The following BCAN variants were observed in gnomAD, a reference collection of about 807,000 sequenced individuals.
BCAN encodes the protein brevican core protein.
BCAN carries 51 observed loss-of-function variants against 92.4 expected under a neutral mutation model. That is an observed-to-expected ratio of 0.55 (90% CI 0.44 to 0.70). The LOEUF (loss-of-function observed/expected upper bound fraction) is 0.70. BCAN is among the 30% of genes least tolerant of loss of function. The probability of loss-of-function intolerance (pLI) is 0.00; values close to 1 mark genes in which losing one functional copy is unlikely to be tolerated. For missense variants in BCAN, 1,140 were observed against 1,212.1 expected, an observed-to-expected ratio of 0.94 and a Z score of 0.88; for synonymous variants, 501 against 505.2, an observed-to-expected ratio of 0.99 and a Z score of 0.11.
At chr1:156,651,203 G>C (rs1338707792) in intron 6 of BCAN, among the ~76,000 whole-genome samples, 1 of 152,202 alleles carries the variant, frequency 6.6e-6, no homozygotes, top group Non-Finnish European at 1.5e-5. Flanking sequence ...AATTTCCCTT[G>C]AGGGTAGGAG....
At position 156,645,387 on chromosome 1, in the gene BCAN, T is replaced by TGG. The variant is rs1678928657; in HGVS notation, c.-8-657_-8-656dup. ...GCCAAGGAAGGGGGATGGAGAATGT[T>TGG]GGGGAGTAAAGAGAGGAGTTTCCTT... On this transcript the variant is annotated intron_variant, in intron 1 of 13. Coordinates refer to ENST00000329117, the MANE Select transcript of BCAN (RefSeq NM_021948.5). Among the ~76,000 whole-genome samples the TGG allele has an allele frequency of 2.0e-5, 3 of 152,166 alleles. No individual in the cohort carries two copies. The South Asian group carries it at 6.2e-4, about 32-fold the overall frequency.
chr1:156,651,693 A>G lies in BCAN; in HGVS notation c.1297+4A>G. Reference sequence around the variant, plus strand: ...GAGGCCCCTAGGACGCTCCTAGGTAAGTCGGATCCCTTATCCTAAGGATGT... The same window carrying G: ...GAGGCCCCTAGGACGCTCCTAGGTAGGTCGGATCCCTTATCCTAAGGATGT... On this transcript the variant is annotated splice_donor_region_variant and intron_variant, in intron 7 of 13. Coordinates refer to ENST00000329117, the MANE Select transcript of BCAN (RefSeq NM_021948.5). 1 of 1,598,398 alleles carries G rather than the reference A, an allele frequency of 6.3e-7. No homozygotes were observed. Among genetic ancestry groups the G allele is most frequent in the Non-Finnish European group, 8.5e-7 (1 of 1,172,864 alleles).
chr1:156,646,496 AC>A (rs1278606690), intron 2 of BCAN: 3 of 513,680 alleles, frequency 5.8e-6, no homozygotes, highest in East Asian at 6.3e-5. Flanking sequence ...AGGTTGGAGG[AC>A]CCTGGGGTGT....
chr1:156,648,849 T>C lies in BCAN; in HGVS notation c.1051T>C (p.Tyr351His), dbSNP rs1241596466. ...CAATAAGCACAGCCGCTTCAACGTC[T>C]ACTGCTTCCGAGGTGAGCCCACCTC... ...FPNKHSRFNV[Y>H]CFRDSAQPSA... The change falls in exon 6 of 14, where the codon TAC (tyrosine) becomes CAC (histidine). Residue 351 changes from tyrosine (Y) to histidine (H), a missense_variant. Coordinates refer to ENST00000329117, the MANE Select transcript of BCAN (RefSeq NM_021948.5). 6 of 1,565,290 alleles carry C rather than the reference T, an allele frequency of 3.8e-6. No individual in the cohort carries two copies. The highest frequency in any genetic ancestry group is 2.3e-5 in the East Asian group (1 of 44,012).
chr1:156,649,596 G>T (rs1355714475), intron 6 of BCAN, among the ~76,000 whole-genome samples: 1 of 152,128 alleles, frequency 6.6e-6, no homozygotes, highest in Non-Finnish European at 1.5e-5. Context: ...TAGAGATGGG[G>T]TTTCACCACA....
At chr1:156,651,733 G>A (rs753513734) in intron 7 of BCAN, 44 bp downstream of exon 7, 8 of 1,534,808 alleles carry the variant, frequency 5.2e-6, no homozygotes, top group Non-Finnish European at 7.0e-6. Context: ...ATTGAAAGAA[G>A]TTGGGGGCAG....
chr1:156,647,628 A>G lies in BCAN; in HGVS notation c.587A>G (p.Tyr196Cys). The change falls in exon 4 of 14, where the codon TAC becomes TGC. Residue 196 changes from tyrosine (Y) to cysteine (C), a missense_variant. By Grantham distance (194) the Tyr-to-Cys change is radical. This residue lies in a region of BCAN where 286 missense variants were observed against 284.1 expected (regional missense o/e 1.01). Transcript: ENST00000329117. The surrounding 1 kb of genome is among the most constrained non-coding windows in gnomAD (Gnocchi z 4.8). ...ACCCCGGAGCAGCTCTATGCCGCCT[A>G]CCTTGGGGGCTATGAGCAATGTGAT... The part of the protein sequence containing the change: ...IATPEQLYAA[Y>C]LGGYEQCDAG... 6.2e-7 allele frequency: 1 copy of G among 1,612,124 alleles called. No individual in the cohort carries two copies. The highest frequency in any genetic ancestry group is 2.2e-5 in the East Asian group (1 of 44,826).
intron 6 of BCAN, among the ~76,000 whole-genome samples, chr1:156,650,770 C>T (rs932326939): frequency 6.6e-6 from 1 of 152,168 alleles, no homozygotes; most frequent in Admixed American, 6.5e-5. Flanking sequence ...CGGGGAAACC[C>T]TGTCTCTACT....
intron 6 of BCAN, among the ~76,000 whole-genome samples, chr1:156,651,184 C>A (rs375334285): frequency 6.6e-6 from 1 of 152,148 alleles, no homozygotes; most frequent in East Asian, 1.9e-4. Flanking sequence ...GTCATCTGTT[C>A]TAGAATATAA....
At position 156,652,674 on chromosome 1, in the gene BCAN, C is replaced by G. The variant is rs1166909069; in HGVS notation, c.1724C>G (p.Ser575Cys). 1 of 1,612,820 alleles carries G rather than the reference C, an allele frequency of 6.2e-7. No homozygotes were observed. The highest frequency in any genetic ancestry group is 8.5e-7 in the Non-Finnish European group (1 of 1,179,272). ...GAGGCAACTGGTGGTCCTGAGCTAT[C>G]TGGGGTCCCTCGAGGAGAGAGCGAG... ...VGEATGGPEL[S>C]GVPRGESEET... is the part of the protein sequence containing the mutation. The change falls in exon 8 of 14, where the codon TCT (serine) becomes TGT (cysteine). Residue 575 changes from serine to cysteine, a missense_variant. By Grantham distance (112) the Ser-to-Cys change is moderately radical (BLOSUM62 -1). Transcript: ENST00000329117.
chr1:156,651,453 C>G lies in BCAN; in HGVS notation c.1064-3C>G. 6.2e-7 allele frequency: 1 copy of G among 1,612,258 alleles called. No homozygotes were observed. The highest frequency in any genetic ancestry group is 8.5e-7 in the Non-Finnish European group (1 of 1,178,964). On this transcript the variant is annotated splice_polypyrimidine_tract_variant and splice_region_variant and intron_variant, in intron 6 of 13. Transcript: ENST00000329117. ...TCGCATCAATACTTTCCTCCTGCCACAGACTCGGCCCAGCCTTCTGCCATC... is the reference window on the plus strand; with the variant it reads ...TCGCATCAATACTTTCCTCCTGCCAGAGACTCGGCCCAGCCTTCTGCCATC...
chr1:156,646,212 AG>A, intron 2 of BCAN, 67 bp downstream of exon 2: 2 of 1,485,686 alleles, frequency 1.3e-6, no homozygotes, highest in Non-Finnish European at 1.9e-6. Context: ...TTCCAGGCTT[AG>A]GGGCCCCAGG....
chr1:156,647,917 G>C lies in BCAN; in HGVS notation c.642-66G>C, dbSNP rs188199369. The C allele has an allele frequency of 3.6e-4, 580 of 1,604,644 alleles. No individual in the cohort carries two copies. In the African/African-American group the frequency reaches 7.1e-3, roughly 20 times the overall value. On this transcript the variant is annotated intron_variant, in intron 4 of 13. Transcript: ENST00000329117. The surrounding 1 kb of genome is among the most constrained non-coding windows in gnomAD (Gnocchi z 4.8). ...ACTGTGGTGGCAGTGGGGTTCAATA[G>C]AATCAATATGGGCTGGCTCCCTGGT... is the stretch of plus-strand genomic sequence containing the variant.
At chr1:156,654,726 C>A (rs1334601571) in intron 8 of BCAN, among the ~76,000 whole-genome samples, 1 of 152,094 alleles carries the variant, frequency 6.6e-6, no homozygotes, top group Non-Finnish European at 1.5e-5. Context: ...ACAGGAGGGA[C>A]AGGAAAGTGT....
At position 156,646,721 on chromosome 1, in the gene BCAN, T is replaced by C. The variant is rs888769399; in HGVS notation, c.92-80T>C. ...ATCCTGGGGCCGGAAGGAGGGATCC[T>C]GGAGCGGGGCTTGGAGGCCACCGGG... On this transcript the variant is annotated intron_variant, in intron 2 of 13. Coordinates refer to ENST00000329117, the MANE Select transcript of BCAN (RefSeq NM_021948.5). The C allele has an allele frequency of 8.7e-6, 13 of 1,497,450 alleles. No individual in the cohort carries two copies. In the African/African-American group the frequency reaches 1.7e-4, roughly 20 times the overall value. 92.8% of individuals were successfully genotyped at this position (1,497,450 alleles called of 1,614,324 possible). A position where few individuals can be genotyped will look rare whatever the true frequency, so the allele number is the denominator to read the frequency against.
chr1:156,655,999 G>C (rs913104263), intron 8 of BCAN, among the ~76,000 whole-genome samples: 1 of 152,164 alleles, frequency 6.6e-6, no homozygotes, highest in Non-Finnish European at 1.5e-5. Context: ...GGCTCTCCTA[G>C]CCTCTTCTCC....
Position 156,651,586 on chromosome 1 carries a change from G to C in BCAN, c.1194G>C (p.Glu398Asp). The part of the protein sequence containing the change: ...EELQLPQEAT[E>D]SESRGAIYSI... ...TGCAGCTGCCTCAGGAAGCCACAGAGAGTGAATCCCGTGGGGCCATCTACT... is the reference window on the plus strand; with the variant it reads ...TGCAGCTGCCTCAGGAAGCCACAGACAGTGAATCCCGTGGGGCCATCTACT... The change falls in exon 7 of 14, where the codon GAG becomes GAC. Residue 398 changes from glutamate to aspartate, a missense_variant. By Grantham distance (45) the Glu-to-Asp change is conservative. Around this residue, in one of 3 missense-constraint regions of BCAN, gnomAD observed 825 missense variants for 871.8 expected, o/e 0.95. Coordinates refer to ENST00000329117, the MANE Select transcript of BCAN (RefSeq NM_021948.5). 6.2e-7 allele frequency: 1 copy of C among 1,613,968 alleles called. No individual in the cohort carries two copies. Among genetic ancestry groups the C allele is most frequent in the Non-Finnish European group, 8.5e-7 (1 of 1,180,028 alleles).
rs142437551 is a variant in BCAN at position 156,647,580 on chromosome 1, C to T, written c.539C>T (p.Ala180Val). ...FSFSGAQEAC[A>V]RIGAHIATPE... ...TTTTCTGGGGCCCAGGAGGCCTGTG[C>T]CCGCATTGGAGCCCACATCGCCACC... Residue 180 changes from alanine (A) to valine (V), a missense_variant, in exon 4 of 14, where the codon GCC becomes GTC. Transcript: ENST00000329117. The surrounding 1 kb of genome is among the most constrained non-coding windows in gnomAD (Gnocchi z 4.8). 1 of 1,612,726 alleles carries T rather than the reference C, an allele frequency of 6.2e-7. No homozygotes were observed. Among genetic ancestry groups the T allele is most frequent in the Non-Finnish European group, 8.5e-7 (1 of 1,179,518 alleles).
At chr1:156,645,032 A>G (rs1445876125) in intron 1 of BCAN, 1 of 152,174 alleles carries the variant, frequency 6.6e-6, no homozygotes, top group Non-Finnish European at 1.5e-5. Flanking sequence ...TCCTTCTCTG[A>G]GCCTCAGTCT....
Sources: gnomAD v4.1 joint callset for allele counts (sites outside exome capture counted in the v4.1 genomes callset) on GRCh38, gnomAD v4.1.1 for gene constraint, gnomAD v4.1.1 regional missense constraint, Gnocchi (gnomAD v3.1) non-coding constraint, MANE v1.5 for transcripts, NCBI Gene and HGNC (gene_info 2026-07-23, HGNC 2026-07-21) for gene names.